The following PCDHGB1 variants were observed in gnomAD, a reference collection of about 807,000 sequenced individuals.
The protein encoded by PCDHGB1 is protocadherin gamma subfamily B, 1.
A neutral mutation model predicts 56.6 loss-of-function variants in PCDHGB1; 34 were observed. The ratio of observed to expected loss-of-function variants is 0.60; its 90% CI spans 0.46 to 0.80. PCDHGB1 has a LOEUF of 0.80. Among genes scored for constraint, PCDHGB1 ranks in the 30% least tolerant of loss-of-function variants. PCDHGB1 has a pLI of 0.00. For synonymous variants in PCDHGB1, 561 were observed against 505.9 expected (o/e 1.11, Z -1.46); for missense variants, 1,278 against 1,204.6 (o/e 1.06, Z -0.90).
In PCDHGB1 at chr5:141,352,514, A is replaced by G. The variant is rs752533199; in HGVS notation, c.2254A>G (p.Ile752Val). 2 of 1,613,960 alleles carry G rather than the reference A, an allele frequency of 1.2e-6. No homozygotes were observed. The highest frequency in any genetic ancestry group is 1.7e-5 in the Admixed American group (1 of 60,030). ...TTTGCCCTATTCCTACAATCTATGT[A>G]TTGCCTCTCATTCTGCAAAGACAGA... ...GTLPYSYNLC[I>V]ASHSAKTEFN... The change falls in exon 1 of 4, where the codon ATT becomes GTT. Residue 752 changes from isoleucine to valine, a missense_variant. Physicochemically the swap from Ile to Val is conservative, Grantham distance 29. Coordinates refer to ENST00000523390, the MANE Select transcript of PCDHGB1 (RefSeq NM_018922.3).
chr5:141,429,573 T>G (rs1026656206), intron 1 of PCDHGB1, among the ~76,000 whole-genome samples: 3 of 152,206 alleles, frequency 2.0e-5, no homozygotes, highest in Non-Finnish European at 4.4e-5. Context: ...TCAGTTACAT[T>G]TACTTTTGAT....
intron 1 of PCDHGB1, chr5:141,384,682 G>C (rs1780361260): frequency 6.2e-7 from 1 of 1,614,222 alleles, no homozygotes; most frequent in Non-Finnish European, 8.5e-7. Context: ...GGTGGCGGTG[G>C]ACAAAGATTC....
chr5:141,350,166 A>AT lies in PCDHGB1; in HGVS notation c.-94dup. The AT allele has an allele frequency of 8.5e-7, 1 of 1,181,016 alleles. No individual in the cohort carries two copies. Among genetic ancestry groups the AT allele is most frequent in the African/African-American group, 1.5e-5 (1 of 64,834 alleles). 73.2% of individuals were successfully genotyped at this position (1,181,016 alleles called of 1,614,324 possible). A position where few individuals can be genotyped will look rare whatever the true frequency, so the allele number is the denominator to read the frequency against. On this transcript the variant is annotated 5_prime_UTR_variant, in exon 1 of 4. Coordinates refer to ENST00000523390, the MANE Select transcript of PCDHGB1 (RefSeq NM_018922.3). ...CTGTTCACCCTCGAGCGCCTAACTAATAAGTCCTAAGCTCAAATCACAGAA... is the reference window on the plus strand; with the variant it reads ...CTGTTCACCCTCGAGCGCCTAACTAATTAAGTCCTAAGCTCAAATCACAGAA...
chr5:141,505,705 GAA>G (rs1250788277), intron 3 of PCDHGB1, among the ~76,000 whole-genome samples: 1 of 152,198 alleles, frequency 6.6e-6, no homozygotes, highest in Non-Finnish European at 1.5e-5. Flanking sequence ...AGCGAACAAG[GAA>G]AAGACTCATG....
intron 1 of PCDHGB1, among the ~76,000 whole-genome samples, chr5:141,471,998 A>T (rs938492822): frequency 5.3e-5 from 8 of 152,276 alleles, no homozygotes; most frequent in South Asian, 2.1e-4. Context: ...AAATCCCTGC[A>T]TCGTATAGGG....
Position 141,491,205 on chromosome 5 carries a change from A to G in PCDHGB1, c.2410-3602A>G, listed in dbSNP as rs2233609. 2,395 of 1,613,578 alleles carry G rather than the reference A, an allele frequency of 1.5e-3. 36 individuals are homozygous for G. The African/African-American group carries it at 0.028, about 19-fold the overall frequency. On this transcript the variant is annotated intron_variant, in intron 1 of 3. Coordinates refer to ENST00000523390, the MANE Select transcript of PCDHGB1 (RefSeq NM_018922.3). This position sits in a 1 kb window ranked among gnomAD's most constrained non-coding sequence, Gnocchi z 6.9. The stretch of plus-strand genomic sequence containing the variant: ...TGGTGAGGGACAATGGTGACCCTTC[A>G]CTCTCCTCCACAGCCACAGTGCTGC...
intron 1 of PCDHGB1, chr5:141,410,849 CTT>C (rs759346998): frequency 0.032 from 4,298 of 136,266 alleles, no homozygotes; most frequent in South Asian, 0.069. Flanking sequence ...TTGTCTTTGT[CTT>C]TTTTTTTTTT....
chr5:141,399,562 T>G (rs764432886), intron 1 of PCDHGB1: 1 of 1,613,898 alleles, frequency 6.2e-7, no homozygotes, highest in East Asian at 2.2e-5. Flanking sequence ...GGACTTGGGG[T>G]TGAACGGCCA....
rs774589363 is a variant in PCDHGB1 at position 141,350,332 on chromosome 5, C to A, written c.72C>A (p.Cys24Ter). The change falls in exon 1 of 4, where the codon TGC becomes TGA. Residue 24 changes from cysteine (C) to a stop codon, truncating the protein, a stop_gained. Transcript: ENST00000523390. LOFTEE classifies it high-confidence loss of function. ...VLFPFLLSLF[C>*]GAISQQIRYT... ...TTCCCTTCCTGCTGTCTTTGTTCTG[C>A]GGGGCCATCTCCCAGCAGATCCGAT... 16 of 1,537,558 alleles carry A rather than the reference C, an allele frequency of 1.0e-5. No individual in the cohort carries two copies. The highest frequency in any genetic ancestry group is 1.8e-4 in the Middle Eastern group (1 of 5,690).
chr5:141,394,100 A>G (rs370480326), intron 1 of PCDHGB1: 2 of 1,613,942 alleles, frequency 1.2e-6, no homozygotes, highest in Non-Finnish European at 1.7e-6. Context: ...ATCTAGGAAC[A>G]CCACCTCTGT....
chr5:141,365,002 C>T (rs779500238), intron 1 of PCDHGB1: 3 of 1,613,918 alleles, frequency 1.9e-6, no homozygotes, highest in Non-Finnish European at 2.5e-6. Flanking sequence ...TACTCTCCGG[C>T]ACCACGCACA....
At chr5:141,385,577 T>A in intron 1 of PCDHGB1, 1 of 1,290,108 alleles carries the variant, frequency 7.8e-7, no homozygotes, top group Non-Finnish European at 9.8e-7. Context: ...TACTTTCCAA[T>A]CTATGTTCCA....
chr5:141,400,229 T>C lies in PCDHGB1; in HGVS notation c.2409+47560T>C, dbSNP rs370433551. ...GCCTTGATCTCAGTGCTCTTCCTCCTGGCCGTGATTCTGGCCGTTGCCTTG... is the reference window on the plus strand; with the variant it reads ...GCCTTGATCTCAGTGCTCTTCCTCCCGGCCGTGATTCTGGCCGTTGCCTTG... On this transcript the variant is annotated intron_variant, in intron 1 of 3. Transcript: ENST00000523390. 3.1e-6 allele frequency: 5 copies of C among 1,613,872 alleles called. No individual in the cohort carries two copies. In the African/African-American group the frequency reaches 4.0e-5, roughly 13 times the overall value.
intron 1 of PCDHGB1, among the ~76,000 whole-genome samples, chr5:141,466,627 C>G (rs1448245449): frequency 6.6e-6 from 1 of 152,154 alleles, no homozygotes; most frequent in African/African-American, 2.4e-5. Flanking sequence ...TTCTTTGGAG[C>G]ATTGTCTCCA....
intron 1 of PCDHGB1, among the ~76,000 whole-genome samples, chr5:141,471,737 A>G (rs2099263581): frequency 6.6e-6 from 1 of 152,232 alleles, no homozygotes; most frequent in Non-Finnish European, 1.5e-5. Context: ...AAGGTTGGAG[A>G]CATAACATAT....
intron 3 of PCDHGB1, chr5:141,508,128 T>C (rs1490298338): frequency 6.6e-6 from 1 of 151,706 alleles, no homozygotes; most frequent in African/African-American, 2.4e-5. Context: ...CAGAGGGAGG[T>C]CAGGGAGCTG....
intron 1 of PCDHGB1, chr5:141,389,909 C>A: frequency 6.2e-7 from 1 of 1,614,068 alleles, no homozygotes; most frequent in Non-Finnish European, 8.5e-7. Flanking sequence ...ATATCACTGA[C>A]CGCCCCGACC....
Position 141,351,945 on chromosome 5 carries a change from C to T in PCDHGB1, c.1685C>T (p.Ala562Val), listed in dbSNP as rs781780297. 4.3e-6 allele frequency: 7 copies of T among 1,613,150 alleles called. No homozygotes were observed. The East Asian group carries it at 1.3e-4, about 31-fold the overall frequency. The change falls in exon 1 of 4, where the codon GCG becomes GTG. Residue 562 changes from alanine to valine, a missense_variant. Physicochemically the swap from Ala to Val is moderately conservative, Grantham distance 64 (BLOSUM62 0). Transcript: ENST00000523390. ...NDNAPRVLYP[A>V]LGPDGSALFD... ...AATGCGCCACGGGTGCTGTACCCCG[C>T]GCTGGGGCCTGATGGCTCCGCCCTC... is the stretch of plus-strand genomic sequence containing the variant.
intron 1 of PCDHGB1, chr5:141,364,366 G>C: frequency 6.4e-7 from 1 of 1,563,758 alleles, no homozygotes; most frequent in Non-Finnish European, 8.6e-7. Flanking sequence ...GCTGCGGAGA[G>C]CTGCTGCTGC....
Sources: allele counts gnomAD v4.1 joint callset (sites outside exome capture counted in the v4.1 genomes callset), GRCh38; gene constraint gnomAD v4.1.1; non-coding constraint Gnocchi (gnomAD v3.1); transcripts MANE v1.5; gene names NCBI Gene and HGNC (gene_info 2026-07-23, HGNC 2026-07-21).